The following ADGRG7 variants were observed in gnomAD, a reference collection of about 807,000 sequenced individuals.
ADGRG7 encodes adhesion G protein-coupled receptor G7, also known as G-protein coupled receptor 128.
ADGRG7 carries 82 observed loss-of-function variants against 88.6 expected under a neutral mutation model. The observed-to-expected ratio is 0.93, with a 90% CI of 0.77 to 1.11. The LOEUF (loss-of-function observed/expected upper bound fraction) is 1.11, where lower values mean the gene tolerates loss of function less well. Ranked by LOEUF, ADGRG7 falls within the 50% of genes most tolerant of loss-of-function variation. ADGRG7 has a pLI of 0.00. For synonymous variants in ADGRG7, 381 were observed against 345.2 expected (o/e 1.10, Z -1.15); for missense variants, 945 against 953.4 (o/e 0.99, Z 0.12).
chr3:100,671,688 G>T (rs1212215080), intron 15 of ADGRG7, among the ~76,000 whole-genome samples: 1 of 152,142 alleles, frequency 6.6e-6, no homozygotes, highest in Non-Finnish European at 1.5e-5. Context: ...TATGGTTTTA[G>T]GTCTTACATT....
chr3:100,646,515 TAACCCAA>T, intron 9 of ADGRG7, 47 bp from the exon 10 acceptor site: 2 of 1,440,012 alleles, frequency 1.4e-6, no homozygotes, highest in South Asian at 1.2e-5. Context: ...TGATTTTTTT[TAACCCAA>T]TTAAGTATTT....
intron 5 of ADGRG7, 100 bp downstream of exon 5, chr3:100,635,926 A>C: frequency 1.1e-6 from 1 of 869,814 alleles, no homozygotes; most frequent in Non-Finnish European, 1.7e-6. Context: ...TTATTCCACA[A>C]TATGGTTTGA....
chr3:100,650,443 CT>C (rs2094927232), intron 11 of ADGRG7, among the ~76,000 whole-genome samples: 1 of 152,164 alleles, frequency 6.6e-6, no homozygotes, highest in African/African-American at 2.4e-5. Context: ...TGTGTTTCCT[CT>C]GTCAACTTCA....
chr3:100,673,044 G>T (rs1349866580), intron 15 of ADGRG7, among the ~76,000 whole-genome samples: 1 of 152,078 alleles, frequency 6.6e-6, no homozygotes, highest in Non-Finnish European at 1.5e-5. Context: ...GTCTCTGCTA[G>T]GTTTTGGAAT....
chr3:100,665,123 T>A (rs2094950156), intron 14 of ADGRG7: 1 of 530,608 alleles, frequency 1.9e-6, no homozygotes, highest in African/African-American at 1.9e-5. Context: ...TTCAAATATC[T>A]TGGTTAGTTC....
chr3:100,629,822 C>T, intron 2 of ADGRG7, 111 bp downstream of exon 2: 1 of 692,744 alleles, frequency 1.4e-6, no homozygotes, highest in East Asian at 2.8e-5. Flanking sequence ...AAACAATGGA[C>T]ATAATGATGA....
intron 15 of ADGRG7, among the ~76,000 whole-genome samples, chr3:100,694,508 C>CTCAG (rs2094998925): frequency 6.6e-6 from 1 of 152,166 alleles, no homozygotes; most frequent in Non-Finnish European, 1.5e-5. Context: ...AACCCAGGAC[C>CTCAG]TGAACTCGGG....
Position 100,637,301 on chromosome 3 carries a change from G to T in ADGRG7, c.598-1G>T. 1 of 1,607,302 alleles carries T rather than the reference G, an allele frequency of 6.2e-7. No homozygotes were observed. The highest frequency in any genetic ancestry group is 8.5e-7 in the Non-Finnish European group (1 of 1,174,190). ...GATGATCAGTATCTTCTCTTTGGCA[G>T]GCAAAGAAAGTTGCCATAGTAACAG... On this transcript the variant is annotated splice_acceptor_variant, in intron 5 of 15. Transcript: ENST00000273352. LOFTEE classifies it high-confidence loss of function.
chr3:100,675,738 G>A (rs1337844125), intron 15 of ADGRG7, among the ~76,000 whole-genome samples: 14 of 151,932 alleles, frequency 9.2e-5, no homozygotes, highest in Admixed American at 2.6e-4. Flanking sequence ...ACAGTTCCTG[G>A]GCTTTTCTTT....
intron 15 of ADGRG7, among the ~76,000 whole-genome samples, chr3:100,694,337 A>G (rs1394000820): frequency 6.6e-6 from 1 of 152,232 alleles, no homozygotes; most frequent in African/African-American, 2.4e-5. Flanking sequence ...CCTTAAGTGC[A>G]CAAATTTCTA....
intron 15 of ADGRG7, among the ~76,000 whole-genome samples, chr3:100,683,531 G>GC (rs1384262762): frequency 1.3e-5 from 2 of 152,220 alleles, no homozygotes; most frequent in Non-Finnish European, 2.9e-5. Flanking sequence ...GGAGCTGCCT[G>GC]CCCCACCGCA....
intron 15 of ADGRG7, among the ~76,000 whole-genome samples, chr3:100,688,472 G>T (rs561351965): frequency 6.6e-6 from 1 of 152,092 alleles, no homozygotes; most frequent in African/African-American, 2.4e-5. Context: ...TGATGTTAGG[G>T]TGTCCATTTT....
At chr3:100,631,611 G>C (rs1295038602) in intron 3 of ADGRG7, among the ~76,000 whole-genome samples, 6 of 152,060 alleles carry the variant, frequency 3.9e-5, no homozygotes, top group Non-Finnish European at 8.8e-5. Context: ...GATATCTCAA[G>C]AATACAGCCA....
chr3:100,675,250 A>C (rs2094963575), intron 15 of ADGRG7, among the ~76,000 whole-genome samples: 6 of 152,110 alleles, frequency 3.9e-5, no homozygotes, highest in Admixed American at 3.9e-4. Flanking sequence ...TACAGCTTTT[A>C]TTGTGTTGAA....
At chr3:100,659,193 G>A (rs982427906) in intron 13 of ADGRG7, among the ~76,000 whole-genome samples, 3 of 152,088 alleles carry the variant, frequency 2.0e-5, no homozygotes, top group Non-Finnish European at 2.9e-5. Flanking sequence ...AGCACTTTGG[G>A]AGGCCGAGGT....
At chr3:100,674,842 G>C (rs1302832822) in intron 15 of ADGRG7, among the ~76,000 whole-genome samples, 7 of 152,332 alleles carry the variant, frequency 4.6e-5, no homozygotes, top group African/African-American at 1.7e-4. Flanking sequence ...CTCCCAAAGT[G>C]CTGGGATTAT....
intron 13 of ADGRG7, among the ~76,000 whole-genome samples, chr3:100,657,596 T>C (rs12634495): frequency 0.53 from 80,111 of 152,028 alleles, 22,087 homozygotes; most frequent in South Asian, 0.74. Flanking sequence ...TTTTCAAGTA[T>C]TGTTTTTACA....
At chr3:100,617,138 A>C (rs1229031036) in intron 1 of ADGRG7, among the ~76,000 whole-genome samples, 1 of 152,240 alleles carries the variant, frequency 6.6e-6, no homozygotes, top group African/African-American at 2.4e-5. Flanking sequence ...AGAACATCAG[A>C]TAAAGAAAAT....
intron 14 of ADGRG7, among the ~76,000 whole-genome samples, chr3:100,666,677 C>G (rs1287966238): frequency 6.6e-6 from 1 of 152,168 alleles, no homozygotes; most frequent in Non-Finnish European, 1.5e-5. Context: ...TCCTCCTCAG[C>G]ACAGACCCTT....
Sources: gnomAD v4.1 joint callset for allele counts (sites outside exome capture counted in the v4.1 genomes callset) on GRCh38, gnomAD v4.1.1 for gene constraint, MANE v1.5 for transcripts, NCBI Gene and HGNC (gene_info 2026-07-23, HGNC 2026-07-21) for gene names.